Variants in SEL1L2 observed in about 807,000 individuals in gnomAD.
SEL1L2 encodes SEL1L2 adaptor subunit of SYVN1 ubiquitin ligase.
A neutral mutation model predicts 98.8 loss-of-function variants in SEL1L2; 89 were observed. The ratio of observed to expected loss-of-function variants is 0.90; its 90% confidence interval spans 0.76 to 1.07. The LOEUF (loss-of-function observed/expected upper bound fraction) is 1.07, where lower values mean the gene tolerates loss of function less well. Among genes scored for constraint, SEL1L2 ranks in the 50% least tolerant of loss-of-function variants. SEL1L2 has a pLI of 0.00. For missense variants in SEL1L2, 788 were observed against 812.0 expected, an observed-to-expected ratio of 0.97 and a Z score of 0.36; for synonymous variants, 262 against 278.5, an observed-to-expected ratio of 0.94 and a Z score of 0.59.
rs1034115821 is a variant in SEL1L2, at chr20:13,895,260, T to G, written c.550-6748A>C. ...GAGTTTGAGACCAGCCTGGCCAACATGGCAAAACCTTGTCTCTATAAAAAA... is the reference window on the plus strand; with the variant it reads ...GAGTTTGAGACCAGCCTGGCCAACAGGGCAAAACCTTGTCTCTATAAAAAA... On this transcript the variant is annotated intron_variant, in intron 5 of 19. Transcript: ENST00000284951. Among the ~76,000 whole-genome samples, 96 of 152,080 alleles carry G rather than the reference T, an allele frequency of 6.3e-4. 1 individual carries two copies. Among genetic ancestry groups the G allele is most frequent in the African/African-American group, 2.3e-3 (95 of 41,410 alleles).
intron 2 of SEL1L2, 54 bp downstream of exon 2, chr20:13,956,022 G>C: frequency 1.1e-6 from 1 of 938,942 alleles, no homozygotes; most frequent in South Asian, 1.4e-5. Flanking sequence ...AAAAACTAGT[G>C]CCTATAGCCT....
chr20:13,951,657 G>T (rs1600891554), intron 2 of SEL1L2, among the ~76,000 whole-genome samples: 1 of 48,094 alleles, frequency 2.1e-5, no homozygotes. Context: ...AGTGATTCTT[G>T]CTGTACTTTA....
intron 1 of SEL1L2, among the ~76,000 whole-genome samples, chr20:13,982,584 GAAA>G (rs1459309477): frequency 1.6e-5 from 2 of 127,854 alleles, no homozygotes; most frequent in Non-Finnish European, 3.4e-5. Flanking sequence ...TTAAAAAAAA[GAAA>G]AAAGAAAAAA....
chr20:13,905,291 G>C (rs2070924766), intron 5 of SEL1L2, among the ~76,000 whole-genome samples: 1 of 149,816 alleles, frequency 6.7e-6, no homozygotes, highest in African/African-American at 2.4e-5. Flanking sequence ...GTTGATTATA[G>C]TAAGCACTGT....
intron 19 of SEL1L2, chr20:13,849,876 G>T: frequency 1.8e-6 from 1 of 546,846 alleles, no homozygotes; most frequent in South Asian, 2.2e-5. Context: ...CTGCCTACCA[G>T]TCTCGGCTAT....
In SEL1L2 at chr20:13,888,013, A is replaced by G. The variant is rs762150509; in HGVS notation, c.604-12T>C. The stretch of plus-strand genomic sequence containing the variant: ...TAATATATCAGTGCCTAAAGTAAAA[A>G]CAAACAAACAAAAAACCCCCCAAAC... On this transcript the variant is annotated splice_polypyrimidine_tract_variant and intron_variant, in intron 6 of 19. Transcript: ENST00000284951. 2.5e-6 allele frequency: 4 copies of G among 1,609,094 alleles called. No homozygotes were observed.
At chr20:13,909,880 A>G (rs2048139305) in intron 5 of SEL1L2, among the ~76,000 whole-genome samples, 1 of 152,086 alleles carries the variant, frequency 6.6e-6, no homozygotes, top group African/African-American at 2.4e-5. Context: ...TGAAAGCAGG[A>G]GAATCTCTTG....
At chr20:13,948,736 G>A (rs945127733) in intron 2 of SEL1L2, among the ~76,000 whole-genome samples, 7 of 152,184 alleles carry the variant, frequency 4.6e-5, no homozygotes, top group Non-Finnish European at 1.0e-4. Context: ...CAGGGATTTG[G>A]TCTAGGCCCT....
intron 1 of SEL1L2, among the ~76,000 whole-genome samples, chr20:13,982,465 C>T (rs1474896098): frequency 1.5e-5 from 2 of 136,426 alleles, no homozygotes; most frequent in Non-Finnish European, 1.5e-5. Context: ...GAGTTGTGAT[C>T]GTGCCACTGC....
intron 5 of SEL1L2, among the ~76,000 whole-genome samples, chr20:13,909,204 C>T (rs1173416289): frequency 3.9e-5 from 6 of 152,140 alleles, no homozygotes; most frequent in South Asian, 2.1e-4. Context: ...TCCAGCAGTG[C>T]GGGCAGGATT....
chr20:13,924,754 C>T (rs954879774), intron 3 of SEL1L2, among the ~76,000 whole-genome samples: 8 of 152,060 alleles, frequency 5.3e-5, no homozygotes, highest in Non-Finnish European at 8.8e-5. Context: ...CTGCTTATTC[C>T]TTTGTCAGGA....
intron 2 of SEL1L2, among the ~76,000 whole-genome samples, chr20:13,934,155 G>T (rs2049289450): frequency 6.7e-6 from 1 of 148,684 alleles, no homozygotes; most frequent in South Asian, 2.1e-4. Context: ...AAAGTCCATT[G>T]TATCATTCTT....
intron 17 of SEL1L2, among the ~76,000 whole-genome samples, chr20:13,863,652 T>C (rs1990523839): frequency 6.6e-6 from 1 of 152,204 alleles, no homozygotes; most frequent in Non-Finnish European, 1.5e-5. Context: ...CTGACTTTTT[T>C]ATATTGAGGA....
At chr20:13,988,787 T>C (rs1601069932) in intron 1 of SEL1L2, among the ~76,000 whole-genome samples, 2 of 152,020 alleles carry the variant, frequency 1.3e-5, no homozygotes, top group East Asian at 1.9e-4. Context: ...CTTAGGCGGG[T>C]GAATCACCTG....
chr20:13,953,716 C>A (rs1011469704), intron 2 of SEL1L2, among the ~76,000 whole-genome samples: 5 of 152,164 alleles, frequency 3.3e-5, no homozygotes, highest in African/African-American at 1.2e-4. Flanking sequence ...GCTGAAAGTC[C>A]CTGTTTCCCC....
chr20:13,988,880 G>T (rs1283201190), intron 1 of SEL1L2, among the ~76,000 whole-genome samples: 1 of 152,156 alleles, frequency 6.6e-6, no homozygotes, highest in African/African-American at 2.4e-5. Context: ...CAGGCGTGGT[G>T]GCAGACGACT....
At chr20:13,886,190 T>G in intron 9 of SEL1L2, 98 bp downstream of exon 9, 1 of 806,056 alleles carries the variant, frequency 1.2e-6, no homozygotes, top group Non-Finnish European at 1.9e-6. Flanking sequence ...CCATTCCTAT[T>G]TAGGATGGGG....
At chr20:13,904,543 A>G (rs1192692645) in intron 5 of SEL1L2, among the ~76,000 whole-genome samples, 1 of 152,142 alleles carries the variant, frequency 6.6e-6, no homozygotes, top group East Asian at 1.9e-4. Flanking sequence ...AAACAAACAA[A>G]TAAATATATA....
At chr20:13,965,521 T>A (rs1338115214) in intron 1 of SEL1L2, among the ~76,000 whole-genome samples, 2 of 152,206 alleles carry the variant, frequency 1.3e-5, no homozygotes, top group African/African-American at 2.4e-5. Context: ...TCAGACCCAG[T>A]CATTTCATGC....
Sources: allele counts gnomAD v4.1 joint callset (sites outside exome capture counted in the v4.1 genomes callset), GRCh38; gene constraint gnomAD v4.1.1; transcripts MANE v1.5; gene names NCBI Gene and HGNC (gene_info 2026-07-23, HGNC 2026-07-21).